SLC24A2: variants seen among roughly 807,000 people sequenced by gnomAD.
SLC24A2 encodes solute carrier family 24 member 2, also known as sodium/potassium/calcium exchanger 2.
Under a neutral mutation model 62.0 loss-of-function variants are expected in SLC24A2, and 36 were observed. The ratio of observed to expected loss-of-function variants is 0.58; its 90% CI spans 0.44 to 0.77. SLC24A2 has a LOEUF of 0.77. SLC24A2 is among the 30% of genes least tolerant of loss of function. The pLI is 0.00. For missense variants in SLC24A2, 846 were observed against 817.9 expected, an observed-to-expected ratio of 1.03 and a Z score of -0.42; for synonymous variants, 358 against 294.0, an observed-to-expected ratio of 1.22 and a Z score of -2.23.
At chr9:19,727,569 C>A (rs759395104) in intron 2 of SLC24A2, among the ~76,000 whole-genome samples, 22 of 152,166 alleles carry the variant, frequency 1.4e-4, no homozygotes, top group Non-Finnish European at 5.9e-5. Context: ...ACACTTAGAA[C>A]AATGACTAGC....
chr9:20,225,801 C>T, the SLC24A2 span, among the ~76,000 whole-genome samples: 1 of 151,288 alleles, frequency 6.6e-6, no homozygotes, highest in African/African-American at 2.4e-5. Context: ...CCATATGGGT[C>T]TTTATGGTTA....
chr9:19,682,370 G>A (rs1006067139), intron 2 of SLC24A2, among the ~76,000 whole-genome samples: 6 of 152,122 alleles, frequency 3.9e-5, no homozygotes, highest in African/African-American at 1.2e-4. Flanking sequence ...CCAACCGGGA[G>A]AAACATTACC....
the SLC24A2 span, among the ~76,000 whole-genome samples, chr9:19,810,863 T>C: frequency 2.0e-5 from 3 of 152,166 alleles, no homozygotes; most frequent in Non-Finnish European, 4.4e-5. Context: ...ACTAGAAAAA[T>C]AGGTATATAA....
chr9:20,098,829 T>A, the SLC24A2 span, among the ~76,000 whole-genome samples: 1 of 152,234 alleles, frequency 6.6e-6, no homozygotes, highest in Non-Finnish European at 1.5e-5. Flanking sequence ...TCTCTCACAG[T>A]TTCTTTACTG....
chr9:19,960,985 A>G, the SLC24A2 span, among the ~76,000 whole-genome samples: 1 of 151,522 alleles, frequency 6.6e-6, no homozygotes, highest in African/African-American at 2.4e-5. Context: ...AGGTGACAAT[A>G]TATATTTTGA....
the SLC24A2 span, among the ~76,000 whole-genome samples, chr9:20,237,725 T>A: frequency 3.9e-5 from 6 of 152,204 alleles, no homozygotes; most frequent in Non-Finnish European, 7.3e-5. Context: ...ATCTGAGCAG[T>A]CTTAATAAAG....
At chr9:20,258,829 C>CT in the SLC24A2 span, among the ~76,000 whole-genome samples, 1,666 of 129,782 alleles carry the variant, frequency 0.013, 11 homozygotes, top group East Asian at 0.016. Flanking sequence ...ATCTATCTAT[C>CT]TATCTGTCTA....
the SLC24A2 span, among the ~76,000 whole-genome samples, chr9:20,107,351 G>A: frequency 6.6e-6 from 1 of 151,306 alleles, no homozygotes; most frequent in Non-Finnish European, 1.5e-5. Flanking sequence ...CTACTTTGAA[G>A]TTCATATGGA....
intron 2 of SLC24A2, among the ~76,000 whole-genome samples, chr9:19,717,255 T>C (rs556267854): frequency 1.3e-5 from 2 of 152,342 alleles, no homozygotes; most frequent in Admixed American, 6.5e-5. Flanking sequence ...TTGTGCTGGT[T>C]CACTGATTCT....
the SLC24A2 span, among the ~76,000 whole-genome samples, chr9:20,112,077 CTT>C: frequency 6.6e-6 from 1 of 152,136 alleles, no homozygotes; most frequent in Non-Finnish European, 1.5e-5. Flanking sequence ...GGACAAAAAT[CTT>C]TGTCATATTG....
At chr9:19,685,651 C>CA (rs1381493235) in intron 2 of SLC24A2, among the ~76,000 whole-genome samples, 1 of 151,848 alleles carries the variant, frequency 6.6e-6, no homozygotes, top group Non-Finnish European at 1.5e-5. Context: ...ACAAAGTCAA[C>CA]AAAAAACAAG....
At chr9:19,910,214 TATC>T in the SLC24A2 span, among the ~76,000 whole-genome samples, 2 of 152,132 alleles carry the variant, frequency 1.3e-5, no homozygotes, top group African/African-American at 4.8e-5. Context: ...AGTGCCATCC[TATC>T]ATCGAAGCCA....
At chr9:20,140,256 G>C in the SLC24A2 span, among the ~76,000 whole-genome samples, 20 of 152,264 alleles carry the variant, frequency 1.3e-4, 1 homozygote, top group African/African-American at 4.6e-4. Flanking sequence ...TGTCTTTTGT[G>C]GGGGAGGGAG....
chr9:20,216,020 T>C, the SLC24A2 span, among the ~76,000 whole-genome samples: 4 of 152,200 alleles, frequency 2.6e-5, no homozygotes, highest in South Asian at 4.1e-4. Flanking sequence ...TCTCCTTCTG[T>C]TACTTACAGC....
At chr9:20,240,505 T>A in the SLC24A2 span, among the ~76,000 whole-genome samples, 1 of 152,182 alleles carries the variant, frequency 6.6e-6, no homozygotes, top group Non-Finnish European at 1.5e-5. Flanking sequence ...TTGTTAAAAG[T>A]CAAGAGTAAG....
chr9:20,274,322 G>C, the SLC24A2 span, among the ~76,000 whole-genome samples: 2 of 152,108 alleles, frequency 1.3e-5, no homozygotes, highest in Admixed American at 6.6e-5. Context: ...TTATGTGGGG[G>C]AAGAGGTGAG....
the SLC24A2 span, among the ~76,000 whole-genome samples, chr9:19,834,546 AC>A: frequency 6.6e-6 from 1 of 152,208 alleles, no homozygotes; most frequent in Non-Finnish European, 1.5e-5. Flanking sequence ...AAAGAAATGA[AC>A]AAAGCCTCCA....
the SLC24A2 span, among the ~76,000 whole-genome samples, chr9:19,817,964 A>G: frequency 6.6e-6 from 1 of 152,124 alleles, no homozygotes; most frequent in Non-Finnish European, 1.5e-5. Flanking sequence ...TCTTGGCCTC[A>G]AGACATCCTC....
intron 2 of SLC24A2, among the ~76,000 whole-genome samples, chr9:19,726,923 G>T (rs918543677): frequency 6.6e-6 from 1 of 152,112 alleles, no homozygotes; most frequent in African/African-American, 2.4e-5. Flanking sequence ...CTTCATGTCA[G>T]AAAGATGGTA....
Sources: gnomAD v4.1 joint callset for allele counts (sites outside exome capture counted in the v4.1 genomes callset) on GRCh38, gnomAD v4.1.1 for gene constraint, MANE v1.5 for transcripts, NCBI Gene and HGNC (gene_info 2026-07-23, HGNC 2026-07-21) for gene names.